Variants in SLC1A1 observed in about 807,000 individuals in gnomAD.
SLC1A1 encodes excitatory amino acid transporter 3.
Under a neutral mutation model 53.3 loss-of-function variants are expected in SLC1A1, and 43 were observed. The ratio of observed to expected loss-of-function variants is 0.81; its 90% CI spans 0.63 to 1.04. The LOEUF is 1.04. Among genes scored for constraint, SLC1A1 ranks in the 50% least tolerant of loss-of-function variants. SLC1A1 has a pLI of 0.00. For missense variants in SLC1A1, 748 were observed against 664.9 expected (o/e 1.12, Z -1.37); for synonymous variants, 307 against 243.2 (o/e 1.26, Z -2.44).
rs1586680786 is a variant in SLC1A1, at chr9:4,492,052, G to GA, written c.91+1284dup. 2.0e-5 allele frequency among the ~76,000 whole-genome samples: 3 copies of GA among 152,270 alleles called. No individual in the cohort carries two copies. In the East Asian group the frequency reaches 5.8e-4, roughly 29 times the overall value. On this transcript the variant is annotated intron_variant, in intron 1 of 11. Transcript: ENST00000262352. ...TTTCTAGTAAATAAATAACATCCTG[G>GA]AATGGCCCTAGCAGAGGCTATTTGT... is the stretch of plus-strand genomic sequence containing the variant.
At chr9:4,519,576 A>G (rs1468293652) in intron 1 of SLC1A1, among the ~76,000 whole-genome samples, 1 of 152,184 alleles carries the variant, frequency 6.6e-6, no homozygotes, top group Non-Finnish European at 1.5e-5. Context: ...TTATTCAATC[A>G]TAAATATTTA....
intron 8 of SLC1A1, among the ~76,000 whole-genome samples, chr9:4,575,700 T>C (rs908788923): frequency 7.2e-5 from 11 of 152,220 alleles, no homozygotes; most frequent in Admixed American, 6.5e-4. Context: ...CTTTTGTGCA[T>C]GTGGCAGGAA....
intron 3 of SLC1A1, 114 bp downstream of exon 3, chr9:4,561,655 G>C (rs1299196366): frequency 1.3e-6 from 1 of 764,728 alleles, no homozygotes; most frequent in Non-Finnish European, 2.4e-6. Context: ...AATCTGGGAG[G>C]CTGATGTGGG....
chr9:4,533,428 A>C lies in SLC1A1; in HGVS notation c.92-11139A>C, dbSNP rs1352698617. 2.0e-5 allele frequency among the ~76,000 whole-genome samples: 3 copies of C among 152,164 alleles called. No individual in the cohort carries two copies. The East Asian group carries it at 5.8e-4, about 29-fold the overall frequency. The stretch of plus-strand genomic sequence containing the variant: ...GGGTTGCAATCCTAGTCTCGGATAA[A>C]ACAGACTTTAAACCAACAAAGATCA... On this transcript the variant is annotated intron_variant, in intron 1 of 11. Transcript: ENST00000262352.
chr9:4,502,751 A>C (rs961231412), intron 1 of SLC1A1, among the ~76,000 whole-genome samples: 3 of 151,778 alleles, frequency 2.0e-5, no homozygotes, highest in Non-Finnish European at 4.4e-5. Flanking sequence ...TGATACACCT[A>C]CACCTAATTG....
intron 10 of SLC1A1, among the ~76,000 whole-genome samples, chr9:4,580,599 ATATGTGTG>A (rs1325125200): frequency 1.6e-4 from 8 of 51,072 alleles, no homozygotes; most frequent in East Asian, 1.2e-3. Context: ...AAAAAAATAT[ATATGTGTG>A]TGTGTGTGTG....
intron 1 of SLC1A1, among the ~76,000 whole-genome samples, chr9:4,540,302 C>T (rs898017775): frequency 2.2e-4 from 34 of 152,246 alleles, no homozygotes; most frequent in African/African-American, 7.7e-4. Flanking sequence ...AAATCCTCCA[C>T]ATTCACCACC....
At chr9:4,533,405 G>A (rs1200999162) in intron 1 of SLC1A1, among the ~76,000 whole-genome samples, 20 of 151,998 alleles carry the variant, frequency 1.3e-4, no homozygotes, top group Admixed American at 1.3e-3. Flanking sequence ...AAAGGCAGGG[G>A]TTGCAATCCT....
At chr9:4,491,893 G>C (rs1820247892) in intron 1 of SLC1A1, among the ~76,000 whole-genome samples, 1 of 152,212 alleles carries the variant, frequency 6.6e-6, no homozygotes, top group Non-Finnish European at 1.5e-5. Context: ...AGAATATATG[G>C]TGTTGCTTGC....
intron 9 of SLC1A1, 114 bp from the exon 10 acceptor site, chr9:4,576,455 C>T (rs1820554950): frequency 5.7e-6 from 5 of 872,226 alleles, no homozygotes; most frequent in South Asian, 2.8e-5. Flanking sequence ...CTTTTCTCGA[C>T]AAGATTACCT....
At chr9:4,582,833 A>T (rs1394427754) in intron 10 of SLC1A1, among the ~76,000 whole-genome samples, 1 of 152,168 alleles carries the variant, frequency 6.6e-6, no homozygotes, top group East Asian at 1.9e-4. Context: ...AGATGGCATC[A>T]TACCCCTCAT....
chr9:4,568,501 G>A (rs1226547310), intron 6 of SLC1A1, among the ~76,000 whole-genome samples: 2 of 151,744 alleles, frequency 1.3e-5, no homozygotes, highest in African/African-American at 2.4e-5. Flanking sequence ...CAGGTGGATC[G>A]CTTGAAACCA....
At chr9:4,498,333 G>C (rs936138069) in intron 1 of SLC1A1, among the ~76,000 whole-genome samples, 5 of 152,178 alleles carry the variant, frequency 3.3e-5, no homozygotes, top group African/African-American at 4.8e-5. Context: ...AGTATTATTA[G>C]ATGGTTTATT....
At chr9:4,493,616 T>C (rs1056865944) in intron 1 of SLC1A1, among the ~76,000 whole-genome samples, 2 of 152,196 alleles carry the variant, frequency 1.3e-5, no homozygotes, top group East Asian at 3.8e-4. Flanking sequence ...AAATGTTTGG[T>C]CCCTGACCAG....
At chr9:4,559,571 G>C (rs540201260) in intron 2 of SLC1A1, among the ~76,000 whole-genome samples, 3 of 152,224 alleles carry the variant, frequency 2.0e-5, no homozygotes, top group Non-Finnish European at 2.9e-5. Flanking sequence ...AGGCCTTTTA[G>C]TGTGGGAAAT....
At chr9:4,568,947 T>G (rs1269986765) in intron 6 of SLC1A1, among the ~76,000 whole-genome samples, 1 of 152,176 alleles carries the variant, frequency 6.6e-6, no homozygotes, top group Non-Finnish European at 1.5e-5. Flanking sequence ...CTGAAAAGGA[T>G]GTGTCCAAGG....
chr9:4,546,269 G>C (rs867038004), intron 2 of SLC1A1, among the ~76,000 whole-genome samples: 2 of 152,150 alleles, frequency 1.3e-5, no homozygotes, highest in African/African-American at 4.8e-5. Flanking sequence ...ATTTAATTAC[G>C]TTTGGAAATG....
chr9:4,587,350 T>C lies in SLC1A1; in HGVS notation c.*1792T>C, dbSNP rs1308779492. 1.3e-5 allele frequency: 2 copies of C among 152,258 alleles called. No individual in the cohort carries two copies. The highest frequency in any genetic ancestry group is 4.8e-5 in the African/African-American group (2 of 41,482). 9.4% of individuals were successfully genotyped at this position (152,258 alleles called of 1,614,324 possible). A position where few individuals can be genotyped will look rare whatever the true frequency, so the allele number is the denominator to read the frequency against. On this transcript the variant is annotated 3_prime_UTR_variant, in exon 12 of 12. Coordinates refer to ENST00000262352, the MANE Select transcript of SLC1A1 (RefSeq NM_004170.6). ...TGGCACTAGTTGGCAGAGCTGTTCA[T>C]GAGCTGCCAGTTATCATTTTGGAGT...
chr9:4,566,211 A>T, intron 5 of SLC1A1, 122 bp downstream of exon 5: 1 of 852,982 alleles, frequency 1.2e-6, no homozygotes, highest in South Asian at 1.3e-5. Flanking sequence ...CAGGAAGTAA[A>T]CCTGTGACTG....
Sources: allele counts gnomAD v4.1 joint callset (sites outside exome capture counted in the v4.1 genomes callset), GRCh38; gene constraint gnomAD v4.1.1; transcripts MANE v1.5; gene names NCBI Gene and HGNC (gene_info 2026-07-23, HGNC 2026-07-21).